RYR3: variants seen among roughly 807,000 people sequenced by gnomAD.
The protein encoded by RYR3 is brain ryanodine receptor-calcium release channel.
RYR3 carries 207 observed loss-of-function variants against 584.3 expected under a neutral mutation model. That is an observed-to-expected ratio of 0.35 (90% CI 0.32 to 0.40). The LOEUF is 0.40. RYR3 is among the 10% of genes least tolerant of loss of function. The pLI, the probability that RYR3 is intolerant of heterozygous loss-of-function variation, is 1.00. For missense variants in RYR3, 5,616 were observed against 6,089.2 expected, an observed-to-expected ratio of 0.92 and a Z score of 2.59; for synonymous variants, 2,416 against 2,248.5, an observed-to-expected ratio of 1.07 and a Z score of -2.11.
intron 18 of RYR3, among the ~76,000 whole-genome samples, 191 bp downstream of exon 18, chr15:33,603,555 A>G (rs2059773930): frequency 1.3e-5 from 2 of 152,218 alleles, no homozygotes; most frequent in African/African-American, 2.4e-5. Flanking sequence ...GACAGTTCCT[A>G]GCTACATGGT....
intron 103 of RYR3, 89 bp downstream of exon 103, chr15:33,864,278 C>CATGGCCCCATTAATCCCGTGA (rs1287052702): frequency 2.5e-4 from 249 of 988,826 alleles, no homozygotes; most frequent in Middle Eastern, 1.5e-3. Flanking sequence ...GAAATACATA[C>CATGGCCCCATTAATCCCGTGA]ATGGCCCCAT....
intron 66 of RYR3, among the ~76,000 whole-genome samples, chr15:33,787,246 A>G (rs1309712565): frequency 1.3e-5 from 2 of 152,228 alleles, no homozygotes; most frequent in Non-Finnish European, 2.9e-5. Context: ...AGCCATTCCA[A>G]TTACATATCT....
Position 33,390,562 on chromosome 15 carries a change from G to A in RYR3, c.51+79466G>A, listed in dbSNP as rs191951885. Among the ~76,000 whole-genome samples, 1 of 152,316 alleles carries A rather than the reference G, an allele frequency of 6.6e-6. No homozygotes were observed. The highest frequency in any genetic ancestry group is 1.9e-4 in the East Asian group (1 of 5,188). On this transcript the variant is annotated intron_variant, in intron 1 of 103. Coordinates refer to ENST00000634891, the MANE Select transcript of RYR3 (RefSeq NM_001036.6). This position sits in a 1 kb window ranked among gnomAD's most constrained non-coding sequence, Gnocchi z 4.2. ...CAGGGGGTGATAGGTGTGGAGAGAA[G>A]AGTTAACAAAGCAGGCATGAGGAGG...
chr15:33,864,800 A>G, intron 103 of RYR3: 1 of 249,708 alleles, frequency 4.0e-6, no homozygotes, highest in Non-Finnish European at 7.7e-6. Flanking sequence ...ACGTTCCCTC[A>G]AGCATTCCTC....
At chr15:33,452,783 C>A (rs928186248) in intron 1 of RYR3, among the ~76,000 whole-genome samples, 10 of 152,210 alleles carry the variant, frequency 6.6e-5, no homozygotes, top group Middle Eastern at 3.4e-3. Context: ...GATTTCAGAA[C>A]CTGGTAGTTT....
chr15:33,379,201 A>G (rs1009889431), intron 1 of RYR3, among the ~76,000 whole-genome samples: 1 of 152,186 alleles, frequency 6.6e-6, no homozygotes, highest in Non-Finnish European at 1.5e-5. Context: ...TAATCACATA[A>G]AACTGATTTC....
chr15:33,839,129 A>T (rs917917338), intron 89 of RYR3, among the ~76,000 whole-genome samples, 171 bp downstream of exon 89: 2 of 152,166 alleles, frequency 1.3e-5, no homozygotes, highest in Non-Finnish European at 2.9e-5. Context: ...TGTCTGCAGA[A>T]ATCAAGACTT....
chr15:33,406,777 A>G (rs1236121793), intron 1 of RYR3, among the ~76,000 whole-genome samples: 1 of 152,200 alleles, frequency 6.6e-6, no homozygotes, highest in African/African-American at 2.4e-5. Context: ...TTTTAACAAA[A>G]GTTTGTTGAA....
intron 1 of RYR3, among the ~76,000 whole-genome samples, chr15:33,410,545 G>A (rs576423705): frequency 1.6e-4 from 24 of 152,314 alleles, no homozygotes; most frequent in Non-Finnish European, 2.2e-4. Context: ...GAAGAAAGCC[G>A]ATGTCTCAGA....
In RYR3 at chr15:33,379,687, C is replaced by CTATATATA. The variant is rs1555448829; in HGVS notation, c.51+68605_51+68612dup. ...TGTCCCTCTCTCTCTCTCTCTCTCT[C>CTATATATA]TATATATATATATATATATATGAAT... On this transcript the variant is annotated intron_variant, in intron 1 of 103. Transcript: ENST00000634891. Among the ~76,000 whole-genome samples the CTATATATA allele has an allele frequency of 3.0e-3, 382 of 125,482 alleles. 3 individuals are homozygous for CTATATATA. The highest frequency in any genetic ancestry group is 8.3e-3 in the Middle Eastern group (2 of 242). 82.3% of individuals were successfully genotyped at this position (125,482 alleles called of 152,430 possible).
At chr15:33,800,730 A>G in intron 67 of RYR3, 40 bp from the exon 68 acceptor site, 1 of 1,389,904 alleles carries the variant, frequency 7.2e-7, no homozygotes, top group East Asian at 2.3e-5. Flanking sequence ...TTTAATCTCT[A>G]CTGAATTTCA....
chr15:33,610,412 A>C (rs773734754), intron 18 of RYR3, among the ~76,000 whole-genome samples: 1 of 152,174 alleles, frequency 6.6e-6, no homozygotes, highest in Non-Finnish European at 1.5e-5. Flanking sequence ...ATTTCCCAGC[A>C]GACTATGGGC....
intron 29 of RYR3, among the ~76,000 whole-genome samples, 198 bp from the exon 30 acceptor site, chr15:33,647,226 G>T (rs2062151755): frequency 6.6e-6 from 1 of 152,238 alleles, no homozygotes; most frequent in African/African-American, 2.4e-5. Flanking sequence ...AGGGATAAGA[G>T]TTGGGAGTCA....
Position 33,487,128 on chromosome 15 carries a change from G to A in RYR3, c.171+13590G>A, listed in dbSNP as rs1057371230. 9.9e-5 allele frequency among the ~76,000 whole-genome samples: 15 copies of A among 151,986 alleles called. 1 individual carries two copies. Among genetic ancestry groups the A allele is most frequent in the Admixed American group, 6.6e-4 (10 of 15,250 alleles). Reference sequence around the variant, plus strand: ...CATGAGAATGGCTTGAACCCAGGAGGCGGAGGTTGCAGTGAGCTGAGATCA... The same window carrying A: ...CATGAGAATGGCTTGAACCCAGGAGACGGAGGTTGCAGTGAGCTGAGATCA... On this transcript the variant is annotated intron_variant, in intron 2 of 103. Coordinates refer to ENST00000634891, the MANE Select transcript of RYR3 (RefSeq NM_001036.6).
intron 1 of RYR3, among the ~76,000 whole-genome samples, chr15:33,355,694 A>G (rs1344191898): frequency 1.3e-5 from 2 of 152,162 alleles, no homozygotes; most frequent in African/African-American, 4.8e-5. Context: ...ATTGTAGCTG[A>G]CTATATGGAG....
At chr15:33,754,309 A>G (rs1005506455) in intron 57 of RYR3, among the ~76,000 whole-genome samples, 3 of 152,194 alleles carry the variant, frequency 2.0e-5, no homozygotes, top group Non-Finnish European at 4.4e-5. Flanking sequence ...TCACTTCTCT[A>G]TTGAAAACTT....
intron 60 of RYR3, among the ~76,000 whole-genome samples, chr15:33,761,699 T>C (rs957815736): frequency 4.6e-5 from 7 of 152,220 alleles, no homozygotes; most frequent in Non-Finnish European, 8.8e-5. Context: ...GTACCATTTC[T>C]TCTGAAACTA....
intron 1 of RYR3, among the ~76,000 whole-genome samples, chr15:33,453,596 A>G (rs1042576518): frequency 1.3e-5 from 2 of 152,230 alleles, no homozygotes; most frequent in Non-Finnish European, 2.9e-5. Flanking sequence ...CAAAGAATGT[A>G]TATCTGTATA....
intron 1 of RYR3, among the ~76,000 whole-genome samples, chr15:33,388,948 T>C (rs1261553151): frequency 1.3e-5 from 2 of 151,768 alleles, no homozygotes; most frequent in Admixed American, 6.6e-5. Context: ...TGTAGGAACA[T>C]GGATGAAGCT....
Sources: allele counts gnomAD v4.1 joint callset (sites outside exome capture counted in the v4.1 genomes callset), GRCh38; gene constraint gnomAD v4.1.1; non-coding constraint Gnocchi (gnomAD v3.1); transcripts MANE v1.5; gene names NCBI Gene and HGNC (gene_info 2026-07-23, HGNC 2026-07-21).